Variants in LINGO2 observed in about 807,000 individuals in gnomAD.
LINGO2 encodes the protein leucine rich repeat and Ig domain containing 2, also known as leucine-rich repeat and immunoglobulin-like domain-containing nogo receptor-interacting protein 2.
In LINGO2, 14 loss-of-function variants were observed where a neutral mutation model predicts 30.6. The ratio of observed to expected loss-of-function variants is 0.46; its 90% confidence interval spans 0.30 to 0.72. The LOEUF is 0.72. Among genes scored for constraint, LINGO2 ranks in the 30% least tolerant of loss-of-function variants. LINGO2 has a pLI of 0.07. For missense variants in LINGO2, 729 were observed against 751.7 expected, an observed-to-expected ratio of 0.97 and a Z score of 0.35; for synonymous variants, 317 against 288.5, an observed-to-expected ratio of 1.10 and a Z score of -1.00.
chr9:28,392,650 G>A (rs917546507), intron 2 of LINGO2, among the ~76,000 whole-genome samples: 6 of 152,152 alleles, frequency 3.9e-5, no homozygotes, highest in Admixed American at 3.9e-4. Context: ...CCGGAGGTCA[G>A]TGGGTGGGGC....
intron 5 of LINGO2, among the ~76,000 whole-genome samples, chr9:27,999,693 C>T (rs990946380): frequency 2.0e-5 from 3 of 152,162 alleles, no homozygotes; most frequent in African/African-American, 7.2e-5. Flanking sequence ...TTATCATGTA[C>T]ACTGACTTCT....
the LINGO2 span, among the ~76,000 whole-genome samples, chr9:28,756,860 CTCTTT>C: frequency 6.6e-6 from 1 of 151,778 alleles, no homozygotes; most frequent in East Asian, 1.9e-4. Flanking sequence ...TCAATTAAAC[CTCTTT>C]TTTTTTTCTT....
chr9:28,729,037 G>A, the LINGO2 span, among the ~76,000 whole-genome samples: 1 of 152,060 alleles, frequency 6.6e-6, no homozygotes, highest in East Asian at 1.9e-4. Context: ...TCTAGACTGG[G>A]GGACTGGCAG....
chr9:28,589,409 C>T (rs1472831510), intron 1 of LINGO2, among the ~76,000 whole-genome samples: 2 of 152,106 alleles, frequency 1.3e-5, no homozygotes, highest in Non-Finnish European at 2.9e-5. Context: ...ACCCAATCGT[C>T]TCAGCTCAAA....
chr9:29,129,294 A>C, the LINGO2 span, among the ~76,000 whole-genome samples: 1 of 152,300 alleles, frequency 6.6e-6, no homozygotes, highest in Middle Eastern at 3.4e-3. Flanking sequence ...ATAGTGTTTC[A>C]TATCTCAGTT....
At chr9:28,963,288 T>A in the LINGO2 span, among the ~76,000 whole-genome samples, 1 of 151,896 alleles carries the variant, frequency 6.6e-6, no homozygotes, top group Non-Finnish European at 1.5e-5. Context: ...TTAACTTAAG[T>A]AGCCATATAT....
At chr9:28,840,501 C>T in the LINGO2 span, among the ~76,000 whole-genome samples, 1 of 151,872 alleles carries the variant, frequency 6.6e-6, no homozygotes, top group Admixed American at 6.5e-5. Flanking sequence ...CCACTGACTT[C>T]ATTGCTTCTA....
intron 3 of LINGO2, among the ~76,000 whole-genome samples, chr9:28,319,898 G>T (rs1216902838): frequency 1.3e-5 from 2 of 151,996 alleles, no homozygotes; most frequent in East Asian, 1.9e-4. Flanking sequence ...AAACAGAAAA[G>T]AAAAAGGTAT....
intron 5 of LINGO2, among the ~76,000 whole-genome samples, chr9:27,979,721 A>T (rs1245673463): frequency 1.3e-5 from 2 of 151,978 alleles, no homozygotes; most frequent in African/African-American, 4.8e-5. Context: ...TTGGAAGAGC[A>T]TTCCACTGGG....
intron 5 of LINGO2, among the ~76,000 whole-genome samples, chr9:27,984,305 T>C (rs1182355946): frequency 6.6e-6 from 1 of 151,852 alleles, no homozygotes; most frequent in Non-Finnish European, 1.5e-5. Flanking sequence ...GAAGACTGCA[T>C]GTGGACCTTC....
intron 3 of LINGO2, among the ~76,000 whole-genome samples, chr9:28,331,275 T>C (rs72709395): frequency 0.031 from 4,701 of 152,140 alleles, 97 homozygotes; most frequent in South Asian, 0.068. Flanking sequence ...AACTTCTATA[T>C]TTTATATGCA....
At chr9:28,705,198 C>A in the LINGO2 span, among the ~76,000 whole-genome samples, 98 of 152,054 alleles carry the variant, frequency 6.4e-4, 3 homozygotes, top group South Asian at 0.019. Context: ...ATTACAGGTG[C>A]AAGACACCAT....
At chr9:28,471,709 A>G (rs891977437) in intron 2 of LINGO2, among the ~76,000 whole-genome samples, 3 of 152,202 alleles carry the variant, frequency 2.0e-5, no homozygotes, top group African/African-American at 7.2e-5. Context: ...CTCTTATACT[A>G]TGTCAGTGGG....
chr9:28,866,933 A>G, the LINGO2 span, among the ~76,000 whole-genome samples: 1 of 152,180 alleles, frequency 6.6e-6, no homozygotes, highest in Non-Finnish European at 1.5e-5. Context: ...TATTTTCTAG[A>G]TTCATCCTTA....
At chr9:28,520,907 T>C (rs1820804339) in intron 1 of LINGO2, among the ~76,000 whole-genome samples, 1 of 152,232 alleles carries the variant, frequency 6.6e-6, no homozygotes, top group Admixed American at 6.5e-5. Flanking sequence ...GCATTGAAGA[T>C]GTGCCACACA....
chr9:29,083,233 C>G, the LINGO2 span, among the ~76,000 whole-genome samples: 2 of 152,230 alleles, frequency 1.3e-5, no homozygotes, highest in East Asian at 3.9e-4. Context: ...CACATATGCA[C>G]CATGGAATAC....
At chr9:27,972,422 T>C (rs1184748386) in intron 5 of LINGO2, among the ~76,000 whole-genome samples, 1 of 152,192 alleles carries the variant, frequency 6.6e-6, no homozygotes, top group South Asian at 2.1e-4. Context: ...AGTTTCCCCT[T>C]CTTATCCTAA....
At chr9:28,540,769 A>G (rs1005613830) in intron 1 of LINGO2, among the ~76,000 whole-genome samples, 1 of 152,194 alleles carries the variant, frequency 6.6e-6, no homozygotes, top group African/African-American at 2.4e-5. Context: ...ATTCCACACT[A>G]TAGAAGATTA....
chr9:28,434,349 GA>G (rs5897300), intron 2 of LINGO2, among the ~76,000 whole-genome samples: 98,579 of 144,370 alleles, frequency 0.68, 34,587 homozygotes, highest in Non-Finnish European at 0.79. Flanking sequence ...AGAAAAAAAG[GA>G]AAAAAAAAAA....
Sources: gnomAD v4.1 joint callset for allele counts (sites outside exome capture counted in the v4.1 genomes callset) on GRCh38, gnomAD v4.1.1 for gene constraint, MANE v1.5 for transcripts, NCBI Gene and HGNC (gene_info 2026-07-23, HGNC 2026-07-21) for gene names.